LINS1: variants seen among roughly 807,000 people sequenced by gnomAD.
LINS1 encodes the protein protein Lines homolog 1.
A neutral mutation model predicts 41.6 loss-of-function variants in LINS1; 27 were observed. That is an observed-to-expected ratio of 0.65 (90% CI 0.48 to 0.89). The LOEUF is 0.89. LINS1 is among the 40% of genes least tolerant of loss of function. The pLI is 0.00. For synonymous variants in LINS1, 336 were observed against 312.9 expected, an observed-to-expected ratio of 1.07 and a Z score of -0.78; for missense variants, 955 against 884.1, an observed-to-expected ratio of 1.08 and a Z score of -1.02.
intron 3 of LINS1, among the ~76,000 whole-genome samples, chr15:100,575,977 A>G (rs1271520624): frequency 5.9e-5 from 9 of 152,174 alleles, no homozygotes; most frequent in African/African-American, 1.4e-4. Context: ...TGAAACCAAC[A>G]AGAACAAAGA....
At position 100,569,981 on chromosome 15, in the gene LINS1, CAAG is replaced by C. The variant is rs775127993; in HGVS notation, c.1528_1530del (p.Leu510del). 2.5e-5 allele frequency: 39 copies of C among 1,569,766 alleles called. No homozygotes were observed. Among genetic ancestry groups the C allele is most frequent in the African/African-American group, 1.5e-4 (11 of 73,070 alleles). On this transcript the variant is annotated inframe_deletion, in exon 7 of 7. Transcript: ENST00000314742. The stretch of plus-strand genomic sequence containing the variant: ...CAGGTTTCTGATGAAATCAAAAAGT[CAAG>C]AAGAACTGTGGAATCAAATCCTATA...
chr15:100,574,611 G>A (rs1165980919), intron 4 of LINS1, among the ~76,000 whole-genome samples: 2 of 152,186 alleles, frequency 1.3e-5, no homozygotes, highest in East Asian at 1.9e-4. Flanking sequence ...GGGAGGCTGA[G>A]GCAGAAGAAT....
rs1355402795 is a variant in LINS1, at chr15:100,569,441, A to C, written c.2071T>G (p.Phe691Val). Reference sequence around the variant, plus strand: ...GGGGCTACTTCACAATCAAAGGAGAAGGCAGTATCAAATTCTTTCAGAACC... The same window carrying C: ...GGGGCTACTTCACAATCAAAGGAGACGGCAGTATCAAATTCTTTCAGAACC... ...PLVLKEFDTA[F>V]SFDCEVAPND... Residue 691 changes from phenylalanine (F) to valine (V), a missense_variant, in exon 7 of 7, where the codon TTC becomes GTC. By Grantham distance (50) the Phe-to-Val change is conservative (BLOSUM62 -1). Coordinates refer to ENST00000314742, the MANE Select transcript of LINS1 (RefSeq NM_001040616.3). 1 of 1,614,052 alleles carries C rather than the reference A, an allele frequency of 6.2e-7. No homozygotes were observed. Among genetic ancestry groups the C allele is most frequent in the East Asian group, 2.2e-5 (1 of 44,896 alleles).
intron 1 of LINS1, among the ~76,000 whole-genome samples, chr15:100,590,174 A>C (rs1257360356): frequency 6.6e-6 from 1 of 152,210 alleles, no homozygotes; most frequent in Non-Finnish European, 1.5e-5. Flanking sequence ...ACAGATCAAG[A>C]CTTCTACTAT....
At chr15:100,600,400 G>A (rs1310339071) in intron 1 of LINS1, among the ~76,000 whole-genome samples, 1 of 151,966 alleles carries the variant, frequency 6.6e-6, no homozygotes, top group Non-Finnish European at 1.5e-5. Context: ...GTGACACCTA[G>A]CACCAGCAAC....
rs1446186223 is a variant in LINS1 at position 100,580,600 on chromosome 15, C to G, written c.243G>C (p.Gln81His). 1 of 1,613,920 alleles carries G rather than the reference C, an allele frequency of 6.2e-7. No individual in the cohort carries two copies. The highest frequency in any genetic ancestry group is 1.3e-5 in the African/African-American group (1 of 74,916). The change falls in exon 2 of 7, where the codon CAG becomes CAC. Residue 81 changes from glutamine to histidine, a missense_variant. Gln to His is a conservative substitution (Grantham distance 24). Coordinates refer to ENST00000314742, the MANE Select transcript of LINS1 (RefSeq NM_001040616.3). ...VAPVCLKTNS[Q>H]MSGSREVMLL... is the part of the protein sequence containing the mutation. ...GCATTACTTCTCTGGAACCGCTCATCTGAGAGTTGGTCTTCAAACACACAG... is the reference window on the plus strand; with the variant it reads ...GCATTACTTCTCTGGAACCGCTCATGTGAGAGTTGGTCTTCAAACACACAG...
intron 5 of LINS1, 135 bp from the exon 6 acceptor site, chr15:100,572,200 A>C: frequency 8.0e-6 from 12 of 1,504,860 alleles, no homozygotes; most frequent in Non-Finnish European, 1.1e-5. Context: ...AGTCATCAGG[A>C]ATCAGTTAGG....
chr15:100,591,566 C>T (rs903933980), intron 1 of LINS1, among the ~76,000 whole-genome samples: 1 of 152,204 alleles, frequency 6.6e-6, no homozygotes, highest in East Asian at 1.9e-4. Flanking sequence ...TGCATTAAGA[C>T]GTTAAGGAAA....
At chr15:100,593,558 A>G (rs2039127027) in intron 1 of LINS1, among the ~76,000 whole-genome samples, 2 of 6,570 alleles carry the variant, frequency 3.0e-4, no homozygotes, top group East Asian at 0.013. Flanking sequence ...TTACAACTTT[A>G]TGGGGGGGGG....
At chr15:100,574,933 G>A (rs567978756) in intron 4 of LINS1, 54 bp downstream of exon 4, 1 of 1,562,628 alleles carries the variant, frequency 6.4e-7, no homozygotes, top group East Asian at 2.3e-5. Context: ...CATTATAAAT[G>A]CAACGCTCCC....
chr15:100,569,725 G>C lies in LINS1; in HGVS notation c.1787C>G (p.Ala596Gly). 1 of 1,613,858 alleles carries C rather than the reference G, an allele frequency of 6.2e-7. No homozygotes were observed. The highest frequency in any genetic ancestry group is 8.5e-7 in the Non-Finnish European group (1 of 1,179,834). Residue 596 changes from alanine to glycine, a missense_variant, in exon 7 of 7, where the codon GCT becomes GGT. Physicochemically the swap from Ala to Gly is moderately conservative, Grantham distance 60. Coordinates refer to ENST00000314742, the MANE Select transcript of LINS1 (RefSeq NM_001040616.3). ...CACAGCTTTCAGTGGTTCAGAGGGA[G>C]CATCGGAAGCCCAGGAGTGCCGAGC... is the stretch of plus-strand genomic sequence containing the variant. ...VCARHSWASD[A>G]PSEPLKAVMS...
chr15:100,571,975 A>C lies in LINS1; in HGVS notation c.1313T>G (p.Leu438Arg). ...SLQLHNPCKW[L>R]SRVFIEQDDD... ...GTCTTGTTCTATGAAAACCCGAGAC[A>C]GCCATTTGCACGGATTGTGTAATTG... Residue 438 changes from leucine (L) to arginine (R), a missense_variant, in exon 6 of 7, where the codon CTG becomes CGG. By Grantham distance (102) the Leu-to-Arg change is moderately radical. Coordinates refer to ENST00000314742, the MANE Select transcript of LINS1 (RefSeq NM_001040616.3). 1 of 1,614,252 alleles carries C rather than the reference A, an allele frequency of 6.2e-7. No individual in the cohort carries two copies. The highest frequency in any genetic ancestry group is 1.1e-5 in the South Asian group (1 of 91,088).
At chr15:100,590,503 G>A (rs1169132221) in intron 1 of LINS1, among the ~76,000 whole-genome samples, 2 of 152,168 alleles carry the variant, frequency 1.3e-5, no homozygotes, top group East Asian at 3.8e-4. Context: ...CATTTGTTAG[G>A]TCCTTTTTCC....
intron 1 of LINS1, among the ~76,000 whole-genome samples, chr15:100,592,722 T>C (rs2039091177): frequency 6.6e-6 from 1 of 152,178 alleles, no homozygotes; most frequent in East Asian, 1.9e-4. Context: ...TAGGAAGTAA[T>C]AGGCTTAAAG....
intron 1 of LINS1, among the ~76,000 whole-genome samples, chr15:100,595,421 A>C (rs2039203504): frequency 6.6e-6 from 1 of 152,206 alleles, no homozygotes; most frequent in African/African-American, 2.4e-5. Flanking sequence ...AAATAATCCC[A>C]CAGAAAGATG....
At position 100,568,474 on chromosome 15, in the gene LINS1, C is replaced by A. The variant is rs2037633702; in HGVS notation, c.*764G>T. 6.6e-6 allele frequency: 1 copy of A among 152,320 alleles called. No individual in the cohort carries two copies. 9.4% of individuals were successfully genotyped at this position (152,320 alleles called of 1,614,324 possible). On this transcript the variant is annotated 3_prime_UTR_variant, in exon 7 of 7. Coordinates refer to ENST00000314742, the MANE Select transcript of LINS1 (RefSeq NM_001040616.3). Reference sequence around the variant, plus strand: ...AGGAAAATGCCATGTGAGGCAGGAACTGGAGTGACGCCACTACAAGACAAG... The same window carrying A: ...AGGAAAATGCCATGTGAGGCAGGAAATGGAGTGACGCCACTACAAGACAAG...
intron 3 of LINS1, among the ~76,000 whole-genome samples, chr15:100,578,840 C>CA (rs2038352113): frequency 6.6e-6 from 1 of 152,112 alleles, no homozygotes; most frequent in African/African-American, 2.4e-5. Flanking sequence ...GAATACTATG[C>CA]AGCCATAAAA....
chr15:100,569,765 G>A lies in LINS1; in HGVS notation c.1747C>T (p.His583Tyr). Residue 583 changes from histidine (H) to tyrosine (Y), a missense_variant, in exon 7 of 7, where the codon CAC becomes TAC. Transcript: ENST00000314742. ...GAGTGCCGAGCACACACATCTCTGT[G>A]ACTATGAGGAGCAGTCAAACGATGG... ...IPHRLTAPHSHRDVCARHSWA... is the reference protein window; with the variant it reads ...IPHRLTAPHSYRDVCARHSWA... 1 of 1,613,888 alleles carries A rather than the reference G, an allele frequency of 6.2e-7. No individual in the cohort carries two copies. The highest frequency in any genetic ancestry group is 8.5e-7 in the Non-Finnish European group (1 of 1,179,900).
chr15:100,598,332 AT>A (rs2039335275), intron 1 of LINS1, among the ~76,000 whole-genome samples: 1 of 152,228 alleles, frequency 6.6e-6, no homozygotes, highest in African/African-American at 2.4e-5. Flanking sequence ...CCCAAAGTAT[AT>A]TTTAGTACCG....
Sources: gnomAD v4.1 joint callset for allele counts (sites outside exome capture counted in the v4.1 genomes callset) on GRCh38, gnomAD v4.1.1 for gene constraint, MANE v1.5 for transcripts, NCBI Gene and HGNC (gene_info 2026-07-23, HGNC 2026-07-21) for gene names.